The following DOCK4 variants were observed in gnomAD, a reference collection of about 807,000 sequenced individuals.
DOCK4 encodes dedicator of cytokinesis protein 4.
A neutral mutation model predicts 268.1 loss-of-function variants in DOCK4; 97 were observed. The ratio of observed to expected loss-of-function variants is 0.36; its 90% CI spans 0.31 to 0.43. The LOEUF is 0.43. DOCK4 is among the 20% of genes least tolerant of loss of function. The pLI, the probability that DOCK4 is intolerant of heterozygous loss-of-function variation, is 1.00. For synonymous variants in DOCK4, 954 were observed against 887.2 expected (o/e 1.08, Z -1.34); for missense variants, 2,145 against 2,455.7 (o/e 0.87, Z 2.67).
intron 16 of DOCK4, among the ~76,000 whole-genome samples, chr7:111,890,455 T>C (rs1355687945): frequency 1.3e-5 from 2 of 152,184 alleles, no homozygotes; most frequent in Non-Finnish European, 2.9e-5. Flanking sequence ...TTCTGGGGGC[T>C]CTGGAAGGAC....
rs150608128 is a variant in DOCK4 at position 111,919,360 on chromosome 7, G to A, written c.1067-3456C>T. On this transcript the variant is annotated intron_variant, in intron 12 of 52. Transcript: ENST00000428084. ...GAGAGCAAGGGCCACAGAGGGGAGA[G>A]AGTGCAAAAGGACAGAGAGGACCCA... Among the ~76,000 whole-genome samples, 12 of 152,058 alleles carry A rather than the reference G, an allele frequency of 7.9e-5. 2 individuals carry two copies. Among genetic ancestry groups the A allele is most frequent in the African/African-American group, 2.9e-4 (12 of 41,460 alleles).
intron 1 of DOCK4, among the ~76,000 whole-genome samples, chr7:112,060,256 C>G (rs1037372069): frequency 6.6e-6 from 1 of 152,140 alleles, no homozygotes; most frequent in Non-Finnish European, 1.5e-5. Flanking sequence ...CAAATCAAAA[C>G]TACAATGAGA....
intron 1 of DOCK4, among the ~76,000 whole-genome samples, chr7:112,105,685 CTTTT>C (rs752689972): frequency 1.5e-4 from 20 of 135,772 alleles, no homozygotes; most frequent in Non-Finnish European, 2.9e-4. Context: ...CCTCCTCTTC[CTTTT>C]TTTTTTTTTT....
intron 1 of DOCK4, among the ~76,000 whole-genome samples, chr7:112,072,895 G>C (rs564561290): frequency 6.6e-6 from 1 of 152,200 alleles, no homozygotes; most frequent in African/African-American, 2.4e-5. Flanking sequence ...CCTCAAGTGA[G>C]CATGAGTACA....
At chr7:112,194,770 T>C (rs1005119649) in intron 1 of DOCK4, among the ~76,000 whole-genome samples, 7 of 152,216 alleles carry the variant, frequency 4.6e-5, no homozygotes, top group Admixed American at 2.0e-4. Flanking sequence ...TGTAAGAACA[T>C]TACAGGTAAT....
intron 1 of DOCK4, among the ~76,000 whole-genome samples, chr7:112,073,872 T>C (rs1480399521): frequency 6.6e-6 from 1 of 152,136 alleles, no homozygotes; most frequent in African/African-American, 2.4e-5. Flanking sequence ...TGGTTAATTA[T>C]AATTTATTAT....
rs111694714 is a variant in DOCK4 at position 112,059,816 on chromosome 7, T to C, written c.38-55685A>G. The stretch of plus-strand genomic sequence containing the variant: ...AGCTTTGTCTAAAACTTAGAGACAT[T>C]CCTTTTCAGATAGCATATCTAATTG... On this transcript the variant is annotated intron_variant, in intron 1 of 52. Transcript: ENST00000428084. 3.1e-3 allele frequency among the ~76,000 whole-genome samples: 466 copies of C among 152,282 alleles called. 3 individuals carry two copies. Among genetic ancestry groups the C allele is most frequent in the African/African-American group, 0.011 (449 of 41,556 alleles).
At chr7:112,026,246 G>A (rs1042211925) in intron 1 of DOCK4, among the ~76,000 whole-genome samples, 11 of 152,326 alleles carry the variant, frequency 7.2e-5, no homozygotes, top group African/African-American at 1.9e-4. Context: ...CCTGAGCTCC[G>A]CCTCCTGTCA....
At chr7:111,792,760 G>A (rs1799640269) in intron 30 of DOCK4, among the ~76,000 whole-genome samples, 1 of 152,152 alleles carries the variant, frequency 6.6e-6, no homozygotes, top group South Asian at 2.1e-4. Context: ...TGAGAGCTGG[G>A]AAAACATGTG....
intron 12 of DOCK4, among the ~76,000 whole-genome samples, chr7:111,929,561 A>T (rs1453330004): frequency 2.0e-5 from 3 of 152,236 alleles, no homozygotes; most frequent in Non-Finnish European, 4.4e-5. Context: ...CTTATGAATT[A>T]TACCAACTTG....
At chr7:111,810,552 GAAATGT>G (rs1472910209) in intron 28 of DOCK4, among the ~76,000 whole-genome samples, 105 of 149,200 alleles carry the variant, frequency 7.0e-4, no homozygotes, top group African/African-American at 2.4e-3. Context: ...TAATTAGTGA[GAAATGT>G]AAATTAAAGC....
At chr7:112,192,647 G>A (rs1019506491) in intron 1 of DOCK4, among the ~76,000 whole-genome samples, 2 of 152,078 alleles carry the variant, frequency 1.3e-5, no homozygotes, top group Non-Finnish European at 2.9e-5. Flanking sequence ...CAAAATCAGG[G>A]TAACATCTAT....
At chr7:112,117,268 G>A (rs1306427481) in intron 1 of DOCK4, among the ~76,000 whole-genome samples, 3 of 152,228 alleles carry the variant, frequency 2.0e-5, no homozygotes, top group Non-Finnish European at 4.4e-5. Context: ...TCTTTTTAAA[G>A]TCAAAATGTC....
At chr7:111,860,366 C>T (rs893720246) in intron 23 of DOCK4, among the ~76,000 whole-genome samples, 13 of 152,218 alleles carry the variant, frequency 8.5e-5, no homozygotes, top group Admixed American at 3.3e-4. Context: ...AGATGGGCTC[C>T]TTCTTGATGT....
intron 1 of DOCK4, among the ~76,000 whole-genome samples, chr7:112,075,547 T>C (rs541028575): frequency 2.6e-5 from 4 of 152,342 alleles, no homozygotes; most frequent in East Asian, 3.9e-4. Context: ...ACTCACTGAA[T>C]ACTGTATAGC....
chr7:111,807,625 C>G (rs1291961515), intron 30 of DOCK4: 1 of 152,024 alleles, frequency 6.6e-6, no homozygotes, highest in African/African-American at 2.4e-5. Context: ...CAGGCACCCC[C>G]CCACCACGCC....
chr7:112,165,566 G>A (rs1279643148), intron 1 of DOCK4, among the ~76,000 whole-genome samples: 1 of 148,428 alleles, frequency 6.7e-6, no homozygotes, highest in Non-Finnish European at 1.5e-5. Flanking sequence ...GTGTGCGTGT[G>A]TGTGTGTATC....
intron 1 of DOCK4, among the ~76,000 whole-genome samples, chr7:112,115,431 T>C (rs1812044516): frequency 1.3e-5 from 2 of 152,342 alleles, no homozygotes; most frequent in South Asian, 4.1e-4. Context: ...ACCTGCAGCC[T>C]ACTGTTCTCA....
intron 1 of DOCK4, among the ~76,000 whole-genome samples, chr7:112,153,986 T>C (rs570895469): frequency 2.0e-5 from 3 of 152,300 alleles, no homozygotes; most frequent in African/African-American, 4.8e-5. Context: ...TTTGTTGTTG[T>C]TGTTAGACAG....
Sources: gnomAD v4.1 joint callset for allele counts (sites outside exome capture counted in the v4.1 genomes callset) on GRCh38, gnomAD v4.1.1 for gene constraint, MANE v1.5 for transcripts, NCBI Gene and HGNC (gene_info 2026-07-23, HGNC 2026-07-21) for gene names.